The following HFM1 variants were observed in gnomAD, a reference collection of about 807,000 sequenced individuals.
The protein encoded by HFM1 is helicase for meiosis 1, also known as probable ATP-dependent DNA helicase HFM1.
In HFM1, 169 loss-of-function variants were observed where a neutral mutation model predicts 192.1. That is an observed-to-expected ratio of 0.88 (90% CI 0.78 to 1.00). The LOEUF (loss-of-function observed/expected upper bound fraction) is 1.00, where lower values mean the gene tolerates loss of function less well. Ranked by LOEUF, HFM1 falls within the 50% of genes least tolerant of loss-of-function variation. HFM1 has a pLI of 0.00. For synonymous variants in HFM1, 525 were observed against 537.8 expected, an observed-to-expected ratio of 0.98 and a Z score of 0.33; for missense variants, 1,661 against 1,668.0, an observed-to-expected ratio of 1.00 and a Z score of 0.07.
chr1:91,311,343 G>C (rs1014184321), intron 30 of HFM1, among the ~76,000 whole-genome samples: 1 of 152,078 alleles, frequency 6.6e-6, no homozygotes, highest in African/African-American at 2.4e-5. Context: ...TGTAAAAGGG[G>C]AACAGGGCAT....
intron 25 of HFM1, among the ~76,000 whole-genome samples, chr1:91,316,987 G>T (rs1651326806): frequency 1.3e-5 from 2 of 152,116 alleles, no homozygotes; most frequent in South Asian, 2.1e-4. Context: ...GAATGAAGTG[G>T]CAATTTCCTT....
upstream of HFM1, among the ~76,000 whole-genome samples, chr1:91,405,855 A>G (rs1664779140): frequency 6.6e-6 from 1 of 152,238 alleles, no homozygotes; most frequent in East Asian, 1.9e-4. Flanking sequence ...GACTGCATAA[A>G]CTATTCTTAA....
chr1:91,358,980 C>T (rs950383217), intron 13 of HFM1, among the ~76,000 whole-genome samples: 2 of 152,146 alleles, frequency 1.3e-5, no homozygotes, highest in Non-Finnish European at 2.9e-5. Context: ...ACTGAGGCAA[C>T]TAGGGTTTGG....
chr1:91,289,299 C>T lies in HFM1; in HGVS notation c.3392-12237G>A, dbSNP rs545389896. Reference sequence around the variant, plus strand: ...GCAGAGGCGCTCCCCACATCCCAGACGATGGGCGGCCGGGCAGAGATGCTC... The same window carrying T: ...GCAGAGGCGCTCCCCACATCCCAGATGATGGGCGGCCGGGCAGAGATGCTC... On this transcript the variant is annotated intron_variant, in intron 30 of 38. Transcript: ENST00000370425. Among the ~76,000 whole-genome samples, 592 of 147,618 alleles carry T rather than the reference C, an allele frequency of 4.0e-3. 3 individuals are homozygous for T. Among genetic ancestry groups the T allele is most frequent in the African/African-American group, 9.8e-3 (388 of 39,714 alleles).
At chr1:91,394,010 A>G (rs1429534570) in intron 4 of HFM1, 83 bp downstream of exon 4, 2 of 768,400 alleles carry the variant, frequency 2.6e-6, no homozygotes, top group East Asian at 2.9e-5. Context: ...TCTCATTCAC[A>G]TTGTACCATA....
chr1:91,289,465 C>G (rs1668454180), intron 30 of HFM1, among the ~76,000 whole-genome samples: 1 of 152,160 alleles, frequency 6.6e-6, no homozygotes, highest in Non-Finnish European at 1.5e-5. Context: ...AGAGTGGCAC[C>G]TGGGCAGAGG....
At position 91,375,474 on chromosome 1, in the gene HFM1, T is replaced by C. The variant is rs748042621; in HGVS notation, c.1597-28A>G. On this transcript the variant is annotated intron_variant, in intron 12 of 38. Transcript: ENST00000370425. ...GAAAATAAATTCATAACGTTTGTAT[T>C]AATCATGTTAAAAACTGAATATACT... is the stretch of plus-strand genomic sequence containing the variant. The C allele has an allele frequency of 1.2e-5, 19 of 1,610,314 alleles. No individual in the cohort carries two copies. The South Asian group carries it at 2.1e-4, about 18-fold the overall frequency.
At chr1:91,397,179 T>A (rs1223537377) in intron 2 of HFM1, among the ~76,000 whole-genome samples, 3 of 152,182 alleles carry the variant, frequency 2.0e-5, no homozygotes, top group East Asian at 3.8e-4. Context: ...CAAATTAATG[T>A]CCTAACCGAA....
At chr1:91,302,646 C>T (rs995452424) in intron 30 of HFM1, among the ~76,000 whole-genome samples, 27 of 152,088 alleles carry the variant, frequency 1.8e-4, no homozygotes, top group South Asian at 1.5e-3. Flanking sequence ...ACATGGATGA[C>T]GCTGGAAACC....
chr1:91,374,696 T>C (rs1390253159), intron 13 of HFM1, among the ~76,000 whole-genome samples: 2 of 152,118 alleles, frequency 1.3e-5, no homozygotes, highest in African/African-American at 4.8e-5. Context: ...ATTTGGTACA[T>C]AGTGAGTTTG....
chr1:91,312,398 C>T (rs929246459), intron 30 of HFM1, among the ~76,000 whole-genome samples: 6 of 152,318 alleles, frequency 3.9e-5, no homozygotes, highest in African/African-American at 1.4e-4. Context: ...GAACTCACCT[C>T]TTGCATCCAT....
intron 13 of HFM1, among the ~76,000 whole-genome samples, chr1:91,372,551 C>T (rs992216118): frequency 2.6e-5 from 4 of 151,930 alleles, no homozygotes; most frequent in African/African-American, 9.7e-5. Flanking sequence ...AACACATGGA[C>T]ACAGGAAGGG....
intron 34 of HFM1, among the ~76,000 whole-genome samples, chr1:91,271,800 A>G (rs992791510): frequency 6.6e-6 from 1 of 152,184 alleles, no homozygotes; most frequent in African/African-American, 2.4e-5. Context: ...CTGATCACTA[A>G]AAGTCAATTT....
At chr1:91,300,318 G>A (rs1386617776) in intron 30 of HFM1, among the ~76,000 whole-genome samples, 6 of 152,154 alleles carry the variant, frequency 3.9e-5, no homozygotes, top group African/African-American at 1.4e-4. Flanking sequence ...AAAAAGTCCA[G>A]GACCAGATGG....
intron 18 of HFM1, 151 bp from the exon 19 acceptor site, chr1:91,347,627 C>T (rs281936): frequency 1 from 433,434 of 433,652 alleles, 216,608 homozygotes; most frequent in South Asian, 1. Context: ...TAAATATCCA[C>T]AGAAACAATG....
intron 30 of HFM1, among the ~76,000 whole-genome samples, chr1:91,286,801 G>A (rs1668021972): frequency 6.6e-6 from 1 of 152,180 alleles, no homozygotes; most frequent in African/African-American, 2.4e-5. Flanking sequence ...AGTGGGTGCA[G>A]TGCACCGTGC....
intron 30 of HFM1, among the ~76,000 whole-genome samples, chr1:91,291,050 C>A (rs2100929336): frequency 6.6e-6 from 1 of 152,086 alleles, no homozygotes; most frequent in South Asian, 2.1e-4. Flanking sequence ...ACATTCAAAG[C>A]AGTGTGTAGA....
intron 30 of HFM1, among the ~76,000 whole-genome samples, chr1:91,288,300 C>T (rs1668259846): frequency 6.6e-6 from 1 of 151,524 alleles, no homozygotes; most frequent in Non-Finnish European, 1.5e-5. Flanking sequence ...GCCCATCAGA[C>T]TAACAGCAGA....
At chr1:91,281,313 T>C (rs1040110369) in intron 30 of HFM1, among the ~76,000 whole-genome samples, 4 of 152,182 alleles carry the variant, frequency 2.6e-5, no homozygotes, top group Non-Finnish European at 2.9e-5. Flanking sequence ...TTTTGCAGCC[T>C]TCCTTTTTGT....
Sources: allele counts gnomAD v4.1 joint callset (sites outside exome capture counted in the v4.1 genomes callset), GRCh38; gene constraint gnomAD v4.1.1; transcripts MANE v1.5; gene names NCBI Gene and HGNC (gene_info 2026-07-23, HGNC 2026-07-21).